Variants in CCSER1 observed in about 807,000 individuals in gnomAD.
CCSER1 encodes the protein coiled-coil serine rich protein 1.
A neutral mutation model predicts 82.0 loss-of-function variants in CCSER1; 41 were observed. The ratio of observed to expected loss-of-function variants is 0.50; its 90% CI spans 0.39 to 0.65. The LOEUF is 0.65. CCSER1 is among the 30% of genes least tolerant of loss of function. The pLI is 0.00. For missense variants in CCSER1, 1,119 were observed against 1,064.2 expected (o/e 1.05, Z -0.72); for synonymous variants, 414 against 383.9 (o/e 1.08, Z -0.92).
At position 91,332,634 on chromosome 4, in the gene CCSER1, G is replaced by C. The variant is rs546791252; in HGVS notation, c.2217+246640G>C. ...AGGATTTATTACAGCGCTACAAAAG[G>C]AGGTAGGAAATAAAAGGTAAGAATA... On this transcript the variant is annotated intron_variant, in intron 10 of 10. Transcript: ENST00000509176. 1.5e-4 allele frequency among the ~76,000 whole-genome samples: 23 copies of C among 151,962 alleles called. 1 individual carries two copies. In the South Asian group the frequency reaches 4.6e-3, roughly 30 times the overall value.
intron 10 of CCSER1, among the ~76,000 whole-genome samples, chr4:91,166,201 T>TA (rs2148990605): frequency 6.6e-6 from 1 of 152,344 alleles, no homozygotes; most frequent in South Asian, 2.1e-4. Context: ...TGATAAATGA[T>TA]ATTTCAAGAG....
At chr4:91,052,977 T>C (rs1288680511) in intron 9 of CCSER1, among the ~76,000 whole-genome samples, 1 of 152,022 alleles carries the variant, frequency 6.6e-6, no homozygotes, top group Admixed American at 6.6e-5. Context: ...TATGTAGGTG[T>C]TCTCCTCTGG....
At chr4:90,470,315 A>G (rs934581717) in intron 5 of CCSER1, among the ~76,000 whole-genome samples, 7 of 152,186 alleles carry the variant, frequency 4.6e-5, no homozygotes, top group African/African-American at 9.6e-5. Context: ...TAATGATGCC[A>G]TCTATCAAAT....
At chr4:90,509,952 G>T (rs1420644737) in intron 5 of CCSER1, among the ~76,000 whole-genome samples, 3 of 152,038 alleles carry the variant, frequency 2.0e-5, no homozygotes, top group Non-Finnish European at 4.4e-5. Flanking sequence ...AAATTTTTAT[G>T]GGACATAGTG....
intron 5 of CCSER1, 132 bp from the exon 6 acceptor site, chr4:90,627,893 A>G (rs1188601769): frequency 5.8e-6 from 4 of 691,820 alleles, no homozygotes; most frequent in East Asian, 2.7e-5. Flanking sequence ...AAATAAATAA[A>G]TAAACTAATA....
At chr4:90,750,102 G>T (rs1004106753) in intron 7 of CCSER1, among the ~76,000 whole-genome samples, 2 of 151,882 alleles carry the variant, frequency 1.3e-5, no homozygotes, top group Non-Finnish European at 2.9e-5. Flanking sequence ...TTTGAGAAGT[G>T]TCTGTTCATG....
At chr4:90,347,072 T>A (rs1742476447) in intron 3 of CCSER1, among the ~76,000 whole-genome samples, 1 of 152,154 alleles carries the variant, frequency 6.6e-6, no homozygotes, top group East Asian at 1.9e-4. Flanking sequence ...GAAATAAGGT[T>A]ATTTTGTTTG....
intron 9 of CCSER1, among the ~76,000 whole-genome samples, chr4:91,026,728 A>T (rs927356686): frequency 6.6e-6 from 1 of 152,062 alleles, no homozygotes; most frequent in East Asian, 1.9e-4. Context: ...TTCTGTAAGT[A>T]CTTTTGAGTT....
intron 3 of CCSER1, among the ~76,000 whole-genome samples, chr4:90,396,005 C>T (rs1043455971): frequency 1.3e-5 from 2 of 152,046 alleles, no homozygotes; most frequent in Non-Finnish European, 2.9e-5. Flanking sequence ...TGCTTAAACC[C>T]AGGGGGCAGA....
chr4:90,796,464 G>C lies in CCSER1; in HGVS notation c.2011-19298G>C, dbSNP rs187195935. The stretch of plus-strand genomic sequence containing the variant: ...CTCTTGGATTTGTGGATCTTTTGAA[G>C]GGTTTTTCTTGTCCCCATCTCCTTC... On this transcript the variant is annotated intron_variant, in intron 7 of 10. Transcript: ENST00000509176. Among the ~76,000 whole-genome samples, 95 of 148,274 alleles carry C rather than the reference G, an allele frequency of 6.4e-4. 1 individual carries two copies. The highest frequency in any genetic ancestry group is 2.3e-3 in the African/African-American group (94 of 40,534).
intron 10 of CCSER1, among the ~76,000 whole-genome samples, chr4:91,169,300 G>C (rs1732505395): frequency 6.6e-6 from 1 of 151,314 alleles, no homozygotes; most frequent in African/African-American, 2.4e-5. Context: ...ACTTCCTTCA[G>C]TTTTTGCTTT....
At chr4:90,511,081 A>G (rs1171364446) in intron 5 of CCSER1, among the ~76,000 whole-genome samples, 2 of 152,330 alleles carry the variant, frequency 1.3e-5, no homozygotes, top group East Asian at 3.9e-4. Flanking sequence ...ACCACAAGGG[A>G]GTAATCAACC....
At chr4:90,272,844 A>C (rs190077590) in intron 1 of CCSER1, among the ~76,000 whole-genome samples, 359 of 152,260 alleles carry the variant, frequency 2.4e-3, no homozygotes, top group Non-Finnish European at 3.1e-3. Context: ...CTCTACTAAA[A>C]ATACAAAAAT....
At chr4:91,160,216 G>T (rs1271278553) in intron 10 of CCSER1, among the ~76,000 whole-genome samples, 1 of 152,080 alleles carries the variant, frequency 6.6e-6, no homozygotes, top group Non-Finnish European at 1.5e-5. Context: ...CCCTACAAAG[G>T]ACATGAACTC....
chr4:91,249,452 A>G (rs1275191151), intron 10 of CCSER1, among the ~76,000 whole-genome samples: 1 of 152,092 alleles, frequency 6.6e-6, no homozygotes, highest in South Asian at 2.1e-4. Flanking sequence ...ACTTTCGATG[A>G]CCATTCCTAG....
At chr4:90,648,331 AAGAAAG>A (rs772489002) in intron 6 of CCSER1, among the ~76,000 whole-genome samples, 1 of 150,404 alleles carries the variant, frequency 6.6e-6, no homozygotes, top group South Asian at 2.1e-4. Context: ...GAAAGAAAGA[AAGAAAG>A]AAAGAGAGTT....
In CCSER1 at chr4:90,773,012, G is replaced by A. The variant is rs149050728; in HGVS notation, c.2011-42750G>A. Among the ~76,000 whole-genome samples, 275 of 152,132 alleles carry A rather than the reference G, an allele frequency of 1.8e-3. 2 individuals carry two copies. Among genetic ancestry groups the A allele is most frequent in the African/African-American group, 6.3e-3 (260 of 41,506 alleles). The stretch of plus-strand genomic sequence containing the variant: ...TCCTAGCACTTTGGGATGCCAAGGC[G>A]GGCGGATCACCTGAGGTCGGGAGTT... On this transcript the variant is annotated intron_variant, in intron 7 of 10. Transcript: ENST00000509176.
At chr4:90,907,370 G>A (rs1725650291) in intron 8 of CCSER1, among the ~76,000 whole-genome samples, 1 of 151,058 alleles carries the variant, frequency 6.6e-6, no homozygotes, top group South Asian at 2.1e-4. Flanking sequence ...CTGCTAGTGA[G>A]GGAATGTTTG....
chr4:90,955,538 T>A (rs573682436), intron 9 of CCSER1, among the ~76,000 whole-genome samples: 1 of 152,178 alleles, frequency 6.6e-6, no homozygotes, highest in Non-Finnish European at 1.5e-5. Context: ...AATATTTAAG[T>A]AGTATATTGG....
Sources: gnomAD v4.1 joint callset for allele counts (sites outside exome capture counted in the v4.1 genomes callset) on GRCh38, gnomAD v4.1.1 for gene constraint, MANE v1.5 for transcripts, NCBI Gene and HGNC (gene_info 2026-07-23, HGNC 2026-07-21) for gene names.